PSD3: variants seen among roughly 807,000 people sequenced by gnomAD.
PSD3 encodes the protein PH and SEC7 domain-containing protein 3.
A neutral mutation model predicts 105.5 loss-of-function variants in PSD3; 49 were observed. The ratio of observed to expected loss-of-function variants is 0.46; its 90% CI spans 0.37 to 0.59. PSD3 has a LOEUF of 0.59. PSD3 is among the 20% of genes least tolerant of loss of function. The pLI is 0.00. For missense variants in PSD3, 1,561 were observed against 1,263.8 expected (o/e 1.24, Z -3.57); for synonymous variants, 557 against 457.8 (o/e 1.22, Z -2.77).
intron 8 of PSD3, among the ~76,000 whole-genome samples, chr8:18,791,420 G>A (rs1010990955): frequency 2.0e-5 from 3 of 152,166 alleles, no homozygotes; most frequent in Non-Finnish European, 2.9e-5. Flanking sequence ...CCAGAAATAA[G>A]ACTGCATGCC....
At chr8:18,923,244 C>A (rs184671631) in intron 2 of PSD3, among the ~76,000 whole-genome samples, 2 of 152,130 alleles carry the variant, frequency 1.3e-5, no homozygotes, top group African/African-American at 4.8e-5. Context: ...TTGTGTTGTG[C>A]CACATTCAAA....
intron 1 of PSD3, among the ~76,000 whole-genome samples, chr8:18,978,138 A>G (rs947708899): frequency 6.6e-6 from 1 of 152,198 alleles, no homozygotes; most frequent in Middle Eastern, 3.2e-3. Flanking sequence ...GGTAAATGCA[A>G]TAGGAGCCAA....
intron 1 of PSD3, among the ~76,000 whole-genome samples, chr8:18,963,668 T>TG (rs1824066552): frequency 6.6e-6 from 1 of 152,142 alleles, no homozygotes; most frequent in African/African-American, 2.4e-5. Context: ...AAATAAGAAA[T>TG]GGGGGGAGAG....
At chr8:18,892,989 C>T (rs929161906) in intron 2 of PSD3, among the ~76,000 whole-genome samples, 1 of 152,096 alleles carries the variant, frequency 6.6e-6, no homozygotes, top group Non-Finnish European at 1.5e-5. Flanking sequence ...AATATTAGTG[C>T]AACTGATGCA....
At chr8:18,854,542 G>T (rs938453993) in intron 4 of PSD3, among the ~76,000 whole-genome samples, 2 of 152,210 alleles carry the variant, frequency 1.3e-5, no homozygotes, top group Non-Finnish European at 2.9e-5. Context: ...CATTTGTCCA[G>T]CATCGTTCAA....
intron 9 of PSD3, among the ~76,000 whole-genome samples, chr8:18,660,596 T>C (rs1809274726): frequency 6.6e-6 from 1 of 152,198 alleles, no homozygotes; most frequent in Non-Finnish European, 1.5e-5. Flanking sequence ...GATGTGACAG[T>C]GCACAAGAAA....
intron 11 of PSD3, among the ~76,000 whole-genome samples, chr8:18,630,463 A>T (rs1806815540): frequency 6.6e-6 from 1 of 151,922 alleles, no homozygotes; most frequent in Admixed American, 6.6e-5. Flanking sequence ...TGGACAAGGA[A>T]AATTTTATCA....
intron 1 of PSD3, among the ~76,000 whole-genome samples, chr8:19,021,777 G>C (rs1414808833): frequency 6.6e-6 from 1 of 152,178 alleles, no homozygotes; most frequent in East Asian, 1.9e-4. Context: ...TCTAAGCATA[G>C]TGTCAATTCA....
chr8:18,670,732 C>A (rs1799738615), intron 9 of PSD3, among the ~76,000 whole-genome samples: 1 of 152,034 alleles, frequency 6.6e-6, no homozygotes. Context: ...AAGTAAGGTG[C>A]AAAACATTGT....
chr8:18,550,124 T>G (rs1027431736), intron 15 of PSD3, among the ~76,000 whole-genome samples: 14 of 152,190 alleles, frequency 9.2e-5, no homozygotes. Flanking sequence ...AGCAGGCATT[T>G]CAGTAAATGA....
chr8:19,036,610 G>A (rs1298981710), intron 1 of PSD3, among the ~76,000 whole-genome samples: 1 of 152,170 alleles, frequency 6.6e-6, no homozygotes, highest in Non-Finnish European at 1.5e-5. Flanking sequence ...TGGAGTGAAT[G>A]GGCTGGACTC....
At chr8:18,684,204 CCACACACA>C (rs67855105) in intron 9 of PSD3, 43,443 of 195,490 alleles carry the variant, frequency 0.22, 6,810 homozygotes, top group Admixed American at 0.31. Flanking sequence ...TCTCTCTTTT[CCACACACA>C]CACACACACA....
chr8:18,975,081 G>C (rs1347591677), intron 1 of PSD3, among the ~76,000 whole-genome samples: 3 of 152,126 alleles, frequency 2.0e-5, no homozygotes, highest in African/African-American at 7.2e-5. Flanking sequence ...CTGCAGTGCT[G>C]AGGCCTGCTG....
chr8:18,695,063 G>T (rs1226233858), intron 9 of PSD3, among the ~76,000 whole-genome samples: 1 of 152,104 alleles, frequency 6.6e-6, no homozygotes, highest in Non-Finnish European at 1.5e-5. Context: ...TTCTCTAGGG[G>T]TAAAACTACT....
intron 1 of PSD3, among the ~76,000 whole-genome samples, chr8:19,038,776 A>G (rs1563524010): frequency 6.6e-6 from 1 of 152,200 alleles, no homozygotes; most frequent in Non-Finnish European, 1.5e-5. Context: ...CTGTCAAGAG[A>G]AATAATACCT....
intron 1 of PSD3, among the ~76,000 whole-genome samples, chr8:19,072,153 G>C (rs922711737): frequency 3.4e-5 from 5 of 149,244 alleles, no homozygotes; most frequent in South Asian, 2.1e-4. Context: ...CCAGGCTAGA[G>C]TGCAGTGGCA....
intron 15 of PSD3, among the ~76,000 whole-genome samples, chr8:18,543,474 C>T (rs1800264858): frequency 6.6e-6 from 1 of 151,988 alleles, no homozygotes; most frequent in Admixed American, 6.6e-5. Flanking sequence ...AAAAATTAGC[C>T]AGGCGTGGTG....
At chr8:18,652,379 T>C (rs1443696610) in intron 10 of PSD3, among the ~76,000 whole-genome samples, 2 of 151,484 alleles carry the variant, frequency 1.3e-5, no homozygotes, top group Non-Finnish European at 2.9e-5. Flanking sequence ...AGGGATAATA[T>C]GAGGAAAATG....
intron 4 of PSD3, among the ~76,000 whole-genome samples, chr8:18,836,765 T>C (rs1814143042): frequency 6.6e-6 from 1 of 152,118 alleles, no homozygotes; most frequent in African/African-American, 2.4e-5. Context: ...CAATAATTGT[T>C]TTTCTGCCTT....
Sources: allele counts gnomAD v4.1 joint callset (sites outside exome capture counted in the v4.1 genomes callset), GRCh38; gene constraint gnomAD v4.1.1; transcripts MANE v1.5; gene names NCBI Gene and HGNC (gene_info 2026-07-23, HGNC 2026-07-21).